The following PTPRR variants were observed in gnomAD, a reference collection of about 807,000 sequenced individuals.
PTPRR encodes receptor-type tyrosine-protein phosphatase R.
In PTPRR, 38 loss-of-function variants were observed where a neutral mutation model predicts 77.2. That is an observed-to-expected ratio of 0.49 (90% CI 0.38 to 0.65). The LOEUF (loss-of-function observed/expected upper bound fraction) is 0.65. Among genes scored for constraint, PTPRR ranks in the 30% least tolerant of loss-of-function variants. The pLI is 0.00. For missense variants in PTPRR, 744 were observed against 799.2 expected (o/e 0.93, Z 0.83); for synonymous variants, 299 against 283.1 (o/e 1.06, Z -0.57).
chr12:70,765,708 C>T (rs540843608), intron 2 of PTPRR, among the ~76,000 whole-genome samples: 154 of 152,330 alleles, frequency 1.0e-3, no homozygotes, highest in African/African-American at 3.6e-3. Context: ...AGACTGCCTC[C>T]TCAAGTGGGT....
At chr12:70,726,612 A>C (rs1592709145) in intron 6 of PTPRR, among the ~76,000 whole-genome samples, 1 of 147,134 alleles carries the variant, frequency 6.8e-6, no homozygotes, top group South Asian at 2.1e-4. Context: ...ACAGAGTCTC[A>C]CTCTGTCACC....
chr12:70,772,725 C>A (rs1418507861), intron 2 of PTPRR, among the ~76,000 whole-genome samples: 1 of 151,906 alleles, frequency 6.6e-6, no homozygotes, highest in African/African-American at 2.4e-5. Context: ...AGGGCAGAAT[C>A]ATTGAAAAAA....
intron 2 of PTPRR, among the ~76,000 whole-genome samples, chr12:70,784,127 G>A (rs1375654241): frequency 6.6e-6 from 1 of 152,190 alleles, no homozygotes; most frequent in Admixed American, 6.5e-5. Context: ...GGTGGAGCGG[G>A]AGGCCTAGAT....
At chr12:70,722,861 GA>G (rs1038977161) in intron 6 of PTPRR, among the ~76,000 whole-genome samples, 12 of 152,192 alleles carry the variant, frequency 7.9e-5, no homozygotes, top group Admixed American at 7.9e-4. Context: ...TTATTGAACA[GA>G]TGTTTCATTA....
intron 1 of PTPRR, among the ~76,000 whole-genome samples, chr12:70,917,529 C>T (rs1362543249): frequency 1.1e-4 from 17 of 152,144 alleles, no homozygotes; most frequent in Non-Finnish European, 1.3e-4. Context: ...TAGTGTCCAG[C>T]TTCTCTAACA....
intron 8 of PTPRR, among the ~76,000 whole-genome samples, chr12:70,697,890 G>T (rs1888285048): frequency 6.6e-6 from 1 of 152,118 alleles, no homozygotes; most frequent in Non-Finnish European, 1.5e-5. Flanking sequence ...TTGGAATTGT[G>T]ACCTGGACAT....
At chr12:70,656,633 T>A in intron 13 of PTPRR, 71 bp downstream of exon 13, 2 of 1,066,252 alleles carry the variant, frequency 1.9e-6, no homozygotes, top group Non-Finnish European at 2.9e-6. Context: ...TGTTTATGCA[T>A]GAAGTCAGGC....
chr12:70,907,378 T>C (rs1486484188), intron 1 of PTPRR, among the ~76,000 whole-genome samples: 1 of 152,174 alleles, frequency 6.6e-6, no homozygotes, highest in Non-Finnish European at 1.5e-5. Flanking sequence ...AAGTGGCTCC[T>C]CCTTCCACTG....
In PTPRR at chr12:70,728,528, A is replaced by AATATATATAT. The variant is rs71068723; in HGVS notation, c.1007+17280_1007+17289dup. ...TATATGGCAAATATTCCAAAATCTG[A>AATATATATAT]ATATATATATATATATATATATATA... On this transcript the variant is annotated intron_variant, in intron 6 of 13. Transcript: ENST00000283228. Among the ~76,000 whole-genome samples, 477 of 80,094 alleles carry AATATATATAT rather than the reference A, an allele frequency of 6.0e-3. 12 individuals are homozygous for AATATATATAT. Among genetic ancestry groups the AATATATATAT allele is most frequent in the African/African-American group, 0.014 (255 of 18,638 alleles). The allele number at this position is 80,094 out of a possible 152,430, so 52.5% of individuals were successfully genotyped here.
At chr12:70,668,620 A>G (rs944521841) in intron 10 of PTPRR, among the ~76,000 whole-genome samples, 2 of 152,180 alleles carry the variant, frequency 1.3e-5, no homozygotes, top group African/African-American at 4.8e-5. Context: ...GTATCTTACC[A>G]GAATAATTTA....
intron 10 of PTPRR, among the ~76,000 whole-genome samples, chr12:70,680,324 G>T (rs1049626623): frequency 6.6e-6 from 1 of 152,018 alleles, no homozygotes; most frequent in African/African-American, 2.4e-5. Flanking sequence ...TTGTATCCCT[G>T]TATTGATATT....
intron 10 of PTPRR, among the ~76,000 whole-genome samples, chr12:70,676,411 T>G (rs1160648379): frequency 1.3e-5 from 2 of 152,058 alleles, no homozygotes; most frequent in African/African-American, 4.8e-5. Flanking sequence ...TTGTGCTTAA[T>G]TATTTAAAAG....
chr12:70,884,787 G>A (rs1368855630), intron 2 of PTPRR, among the ~76,000 whole-genome samples: 3 of 150,376 alleles, frequency 2.0e-5, no homozygotes, highest in African/African-American at 4.9e-5. Context: ...CCAGGGAATG[G>A]CGTGAACCTG....
At chr12:70,651,186 C>G (rs931281930) in intron 13 of PTPRR, among the ~76,000 whole-genome samples, 13 of 152,158 alleles carry the variant, frequency 8.5e-5, no homozygotes, top group African/African-American at 2.9e-4. Flanking sequence ...GCATCGGAAG[C>G]CCTCTTCAAT....
At position 70,791,994 on chromosome 12, in the gene PTPRR, C is replaced by T. The variant is rs188089761; in HGVS notation, c.358-27216G>A. On this transcript the variant is annotated intron_variant, in intron 2 of 13. Coordinates refer to ENST00000283228, the MANE Select transcript of PTPRR (RefSeq NM_002849.4). ...AGTGATTTCAGAGTTAATACCACTC[C>T]CCACATTTGGACATCATCTCCCATT... is the stretch of plus-strand genomic sequence containing the variant. 6.7e-3 allele frequency among the ~76,000 whole-genome samples: 1,013 copies of T among 152,230 alleles called. 8 individuals are homozygous for T. Among genetic ancestry groups the T allele is most frequent in the Non-Finnish European group, 0.011 (721 of 68,020 alleles).
intron 6 of PTPRR, 87 bp downstream of exon 6, chr12:70,745,731 T>A: frequency 7.0e-7 from 1 of 1,428,466 alleles, no homozygotes; most frequent in Non-Finnish European, 9.5e-7. Context: ...CCCAATTATG[T>A]CAATCATTAC....
intron 10 of PTPRR, 73 bp from the exon 11 acceptor site, chr12:70,662,678 A>T (rs534443346): frequency 1.3e-6 from 1 of 788,534 alleles, no homozygotes; most frequent in East Asian, 2.6e-5. Context: ...TCATTCAAGC[A>T]TCTCAAGAGT....
At chr12:70,866,836 G>A (rs1173034214) in intron 2 of PTPRR, among the ~76,000 whole-genome samples, 1 of 152,006 alleles carries the variant, frequency 6.6e-6, no homozygotes, top group Non-Finnish European at 1.5e-5. Context: ...TATCCACCAT[G>A]ATCAAGTGGG....
At chr12:70,888,862 T>C (rs1893286125) in intron 2 of PTPRR, among the ~76,000 whole-genome samples, 1 of 152,166 alleles carries the variant, frequency 6.6e-6, no homozygotes, top group Non-Finnish European at 1.5e-5. Flanking sequence ...TACAGGCTAC[T>C]GTAGTTTTTC....
Sources: gnomAD v4.1 joint callset for allele counts (sites outside exome capture counted in the v4.1 genomes callset) on GRCh38, gnomAD v4.1.1 for gene constraint, MANE v1.5 for transcripts, NCBI Gene and HGNC (gene_info 2026-07-23, HGNC 2026-07-21) for gene names.